Variants in SLCO1B3 observed in about 807,000 individuals in gnomAD.
SLCO1B3 encodes solute carrier organic anion transporter family member 1B3.
A neutral mutation model predicts 71.8 loss-of-function variants in SLCO1B3; 72 were observed. The ratio of observed to expected loss-of-function variants is 1.00; its 90% CI spans 0.83 to 1.22. The LOEUF (loss-of-function observed/expected upper bound fraction) is 1.22, where lower values mean the gene tolerates loss of function less well. Ranked by LOEUF, SLCO1B3 falls within the 50% of genes most tolerant of loss-of-function variation. The pLI is 0.00. For synonymous variants in SLCO1B3, 298 were observed against 278.4 expected (o/e 1.07, Z -0.70); for missense variants, 911 against 819.7 (o/e 1.11, Z -1.36).
chr12:20,830,240 T>A (rs867021983), intron 3 of SLCO1B3, among the ~76,000 whole-genome samples: 3 of 152,188 alleles, frequency 2.0e-5, no homozygotes, highest in Admixed American at 6.5e-5. Context: ...GTCACCAATT[T>A]ACAAATTTGT....
intron 13 of SLCO1B3, among the ~76,000 whole-genome samples, chr12:20,889,094 GTT>G (rs34861372): frequency 0.7 from 100,445 of 143,228 alleles, 36,518 homozygotes; most frequent in South Asian, 0.85. Flanking sequence ...ATTTTCTAGA[GTT>G]TTTTTTTTTT....
At chr12:20,849,365 C>G (rs1164193286) in intron 3 of SLCO1B3, among the ~76,000 whole-genome samples, 1 of 151,922 alleles carries the variant, frequency 6.6e-6, no homozygotes, top group African/African-American at 2.4e-5. Flanking sequence ...TTTCTCAACA[C>G]AAACACCCAG....
chr12:20,901,827 G>A, intron 15 of SLCO1B3: 1 of 387,412 alleles, frequency 2.6e-6, no homozygotes, highest in South Asian at 1.9e-5. Flanking sequence ...AGAATGACCA[G>A]CTGCAGCTCT....
At chr12:20,886,781 A>G (rs1224224116) in intron 13 of SLCO1B3, among the ~76,000 whole-genome samples, 1 of 151,954 alleles carries the variant, frequency 6.6e-6, no homozygotes, top group African/African-American at 2.4e-5. Flanking sequence ...TATATTGTGC[A>G]GTGGTAAAGT....
intron 2 of SLCO1B3, among the ~76,000 whole-genome samples, chr12:20,814,415 T>G (rs190194561): frequency 2.0e-5 from 3 of 152,258 alleles, no homozygotes; most frequent in East Asian, 3.9e-4. Context: ...AGATATAAGC[T>G]AAATAGTTAA....
chr12:20,864,883 G>C (rs1422053162), intron 8 of SLCO1B3, among the ~76,000 whole-genome samples: 1 of 152,024 alleles, frequency 6.6e-6, no homozygotes, highest in African/African-American at 2.4e-5. Context: ...AGGAAATTAG[G>C]GTATGATGGT....
chr12:20,877,804 A>C lies in SLCO1B3; in HGVS notation c.1003A>C (p.Asn335His). 1 of 1,514,858 alleles carries C rather than the reference A, an allele frequency of 6.6e-7. No individual in the cohort carries two copies. Among genetic ancestry groups the C allele is most frequent in the Non-Finnish European group, 8.8e-7 (1 of 1,130,912 alleles). 93.8% of individuals were successfully genotyped at this position (1,514,858 alleles called of 1,614,324 possible). ...FFQSLKSILT[N>H]PLYVIFLLLT... is the part of the protein sequence containing the mutation. ...CCAGTCTTTGAAAAGCATCCTTACC[A>C]ATCCCCTGTATGTTATATTTCTGCT... The change falls in exon 10 of 16, where the codon AAT becomes CAT. Residue 335 changes from asparagine to histidine, a missense_variant. Transcript: ENST00000381545.
chr12:20,869,767 C>A (rs1865445291), intron 8 of SLCO1B3, among the ~76,000 whole-genome samples: 1 of 152,134 alleles, frequency 6.6e-6, no homozygotes, highest in African/African-American at 2.4e-5. Context: ...CACATTTAGA[C>A]TGCTGTGAAG....
Position 20,902,119 on chromosome 12 carries a change from A to G in SLCO1B3, c.1865+652A>G, listed in dbSNP as rs1591790228. ...ATAAATGTGTTTGTAAGTATGACCC[A>G]AATGCCTGAAAGTATAATAGAAAAA... is the stretch of plus-strand genomic sequence containing the variant. On this transcript the variant is annotated intron_variant, in intron 15 of 15. Transcript: ENST00000381545. 2.7e-5 allele frequency: 6 copies of G among 224,910 alleles called. No individual in the cohort carries two copies. In the East Asian group the frequency reaches 4.8e-4, roughly 18 times the overall value. The allele number at this position is 224,910 out of a possible 1,614,324, so 13.9% of individuals were successfully genotyped here.
At position 20,909,420 on chromosome 12, in the gene SLCO1B3, G is replaced by A. The variant is rs183188996; in HGVS notation, c.1866-6584G>A. 4.1e-3 allele frequency among the ~76,000 whole-genome samples: 620 copies of A among 150,462 alleles called. 5 individuals carry two copies. Among genetic ancestry groups the A allele is most frequent in the African/African-American group, 0.014 (563 of 41,052 alleles). ...GATCTCCTGACCTTGTGATCCGCCC[G>A]CCTTGGCCTCCCAAAGTGCTGGGAT... On this transcript the variant is annotated intron_variant, in intron 15 of 15. Coordinates refer to ENST00000381545, the MANE Select transcript of SLCO1B3 (RefSeq NM_019844.4).
chr12:20,871,078 T>A (rs1405898959), intron 8 of SLCO1B3, among the ~76,000 whole-genome samples: 2 of 152,182 alleles, frequency 1.3e-5, no homozygotes, highest in Non-Finnish European at 2.9e-5. Flanking sequence ...ATTGTTGAAT[T>A]TGGTTTGTCA....
At chr12:20,860,966 G>A (rs1865250296) in intron 5 of SLCO1B3, 51 bp from the exon 6 acceptor site, 3 of 1,496,854 alleles carry the variant, frequency 2.0e-6, no homozygotes, top group Non-Finnish European at 2.7e-6. Context: ...TGGGAAAACT[G>A]AAAATATTCA....
chr12:20,840,482 C>T (rs191226834), intron 3 of SLCO1B3, among the ~76,000 whole-genome samples: 4 of 151,398 alleles, frequency 2.6e-5, no homozygotes, highest in East Asian at 1.9e-4. Flanking sequence ...GCCTCTCCCT[C>T]CCTGGTTCAA....
chr12:20,899,568 G>A (rs906892376), intron 14 of SLCO1B3, among the ~76,000 whole-genome samples: 1 of 152,116 alleles, frequency 6.6e-6, no homozygotes, highest in African/African-American at 2.4e-5. Flanking sequence ...AGAAGATGAA[G>A]ATGCTGCAGG....
At chr12:20,891,755 T>G (rs1447945257) in intron 13 of SLCO1B3, among the ~76,000 whole-genome samples, 2 of 152,096 alleles carry the variant, frequency 1.3e-5, no homozygotes, top group Admixed American at 6.6e-5. Context: ...CCTACCAAGT[T>G]TATTTGAAAG....
chr12:20,903,085 A>AG (rs1866162412), intron 15 of SLCO1B3, among the ~76,000 whole-genome samples: 1 of 151,896 alleles, frequency 6.6e-6, no homozygotes, highest in African/African-American at 2.4e-5. Context: ...AAAAAAAAAA[A>AG]AAATCAATGC....
At chr12:20,839,772 G>A (rs1864757787) in intron 3 of SLCO1B3, among the ~76,000 whole-genome samples, 1 of 151,888 alleles carries the variant, frequency 6.6e-6, no homozygotes. Flanking sequence ...TTCTATTTTT[G>A]GGGTGTCCCT....
chr12:20,850,233 A>G (rs992554380), intron 3 of SLCO1B3, among the ~76,000 whole-genome samples: 2 of 149,890 alleles, frequency 1.3e-5, no homozygotes, highest in Non-Finnish European at 3.0e-5. Context: ...TGTTTGATGT[A>G]CAGATTATTT....
intron 3 of SLCO1B3, chr12:20,845,173 T>C (rs1480000936): frequency 4.2e-6 from 2 of 470,974 alleles, no homozygotes; most frequent in South Asian, 1.7e-5. Context: ...TGTGACCCTA[T>C]GTACAAGGTA....
Sources: allele counts gnomAD v4.1 joint callset (sites outside exome capture counted in the v4.1 genomes callset), GRCh38; gene constraint gnomAD v4.1.1; transcripts MANE v1.5; gene names NCBI Gene and HGNC (gene_info 2026-07-23, HGNC 2026-07-21).